The following FGFR2 variants were observed in gnomAD, a reference collection of about 807,000 sequenced individuals.
FGFR2 encodes the protein BEK fibroblast growth factor receptor.
In FGFR2, 19 loss-of-function variants were observed where a neutral mutation model predicts 95.9. The ratio of observed to expected loss-of-function variants is 0.20; its 90% CI spans 0.14 to 0.29. FGFR2 has a LOEUF of 0.29. FGFR2 is among the 10% of genes least tolerant of loss of function. FGFR2 has a pLI of 1.00. For missense variants in FGFR2, 707 were observed against 1,056.9 expected (o/e 0.67, Z 4.59); for synonymous variants, 392 against 393.3 (o/e 1.00, Z 0.04).
intron 2 of FGFR2, chr10:121,566,025 G>A (rs1857621010): frequency 2.3e-6 from 1 of 441,048 alleles, no homozygotes; most frequent in Non-Finnish European, 4.2e-6. Flanking sequence ...TGCTTGCACT[G>A]TAATACCTGC....
At chr10:121,547,715 A>G (rs1001798228) in intron 5 of FGFR2, among the ~76,000 whole-genome samples, 5 of 152,050 alleles carry the variant, frequency 3.3e-5, no homozygotes, top group Admixed American at 1.3e-4. Context: ...CTTTAAGTCT[A>G]CGTAGGTAAC....
chr10:121,527,542 T>C lies in FGFR2; in HGVS notation c.749-7373A>G, dbSNP rs886426842. The stretch of plus-strand genomic sequence containing the variant: ...GTACTTAATGTAAATGAATTACACA[T>C]TCAAAAATGGTTACAGAGGTATATT... On this transcript the variant is annotated intron_variant, in intron 6 of 17. Coordinates refer to ENST00000358487, the MANE Select transcript of FGFR2 (RefSeq NM_000141.5). 1.3e-5 allele frequency: 2 copies of C among 152,322 alleles called. 1 individual carries two copies. The allele number at this position is 152,322 out of a possible 1,614,324, so 9.4% of individuals were successfully genotyped here.
At position 121,479,358 on chromosome 10, in the gene FGFR2, A is replaced by G; in HGVS notation, c.*499T>C. 3.4e-6 allele frequency: 1 copy of G among 295,128 alleles called. No homozygotes were observed. Among genetic ancestry groups the G allele is most frequent in the Non-Finnish European group, 6.1e-6 (1 of 162,930 alleles). 18.3% of individuals were successfully genotyped at this position (295,128 alleles called of 1,614,324 possible). A position where few individuals can be genotyped will look rare whatever the true frequency, so the allele number is the denominator to read the frequency against. On this transcript the variant is annotated 3_prime_UTR_variant, in exon 18 of 18. Transcript: ENST00000358487. ...CATTTAGCAAATAGCTATTAAAAAA[A>G]GAGAGACCAATTTTCTAGGTGCATT...
At chr10:121,556,513 G>A (rs1236676193) in intron 4 of FGFR2, among the ~76,000 whole-genome samples, 1 of 151,640 alleles carries the variant, frequency 6.6e-6, no homozygotes, top group African/African-American at 2.4e-5. Context: ...TACCAAAAGA[G>A]ACCTCGGTGA....
At chr10:121,572,222 G>C (rs1008024858) in intron 2 of FGFR2, among the ~76,000 whole-genome samples, 2 of 151,660 alleles carry the variant, frequency 1.3e-5, no homozygotes, top group African/African-American at 2.4e-5. Flanking sequence ...TACACAGGGG[G>C]CTGAGGTAGG....
At chr10:121,580,102 G>C (rs1860599444) in intron 2 of FGFR2, among the ~76,000 whole-genome samples, 1 of 152,170 alleles carries the variant, frequency 6.6e-6, no homozygotes, top group African/African-American at 2.4e-5. Context: ...CATAGAGCAG[G>C]CCCTCCCACA....
At chr10:121,581,052 A>T (rs1397575490) in intron 2 of FGFR2, among the ~76,000 whole-genome samples, 2 of 152,166 alleles carry the variant, frequency 1.3e-5, no homozygotes, top group Non-Finnish European at 2.9e-5. Flanking sequence ...CTGCCTCCAC[A>T]TTGACCTGGC....
intron 13 of FGFR2, among the ~76,000 whole-genome samples, chr10:121,491,015 C>G (rs1158021410): frequency 6.6e-5 from 10 of 152,150 alleles, no homozygotes; most frequent in Admixed American, 6.5e-5. Context: ...ATTGAACTTC[C>G]AAGCCCCGGG....
Position 121,487,988 on chromosome 10 carries a change from T to C in FGFR2, c.1986+3A>G, listed in dbSNP as rs778323720. 1.2e-6 allele frequency: 2 copies of C among 1,614,124 alleles called. No homozygotes were observed. Among genetic ancestry groups the C allele is most frequent in the Non-Finnish European group, 1.7e-6 (2 of 1,179,992 alleles). On this transcript the variant is annotated splice_donor_region_variant and intron_variant, in intron 14 of 17. Coordinates refer to ENST00000358487, the MANE Select transcript of FGFR2 (RefSeq NM_000141.5). ...GCCCACTGTGTTACTGCCATCGACT[T>C]ACATTGGTGGTCTTTTTGTAATAGT... is the stretch of plus-strand genomic sequence containing the variant.
Position 121,487,296 on chromosome 10 carries a change from G to A in FGFR2, c.2057+58C>T, listed in dbSNP as rs41294217. On this transcript the variant is annotated intron_variant, in intron 15 of 17. Transcript: ENST00000358487. ...TAAAGAAGGAAGAAAGGTGAAGTAC[G>A]TACAGTATTTTTGCAGCTCAAGCCC... 2.6e-4 allele frequency: 342 copies of A among 1,329,960 alleles called. 1 individual carries two copies. In the African/African-American group the frequency reaches 3.8e-3, roughly 15 times the overall value. The allele number at this position is 1,329,960 out of a possible 1,614,324, so 82.4% of individuals were successfully genotyped here.
chr10:121,481,841 T>TTC (rs1250335828), intron 17 of FGFR2: 6 of 161,774 alleles, frequency 3.7e-5, no homozygotes, highest in Admixed American at 3.4e-4. Context: ...TTTATTTTTA[T>TTC]TTTTTTTTTT....
At position 121,480,248 on chromosome 10, in the gene FGFR2, T is replaced by C. The variant is rs894938700; in HGVS notation, c.2302-227A>G. ...CACCTGACTTCCACGAAGACCTCCC[T>C]GAGACCACGTCTGATGTACCCCAGG... On this transcript the variant is annotated intron_variant, in intron 17 of 17. Transcript: ENST00000358487. 4 of 632,258 alleles carry C rather than the reference T, an allele frequency of 6.3e-6. No individual in the cohort carries two copies. The African/African-American group carries it at 7.2e-5, about 11-fold the overall frequency. The allele number at this position is 632,258 out of a possible 1,614,324, so 39.2% of individuals were successfully genotyped here. A position where few individuals can be genotyped will look rare whatever the true frequency, so the allele number is the denominator to read the frequency against.
intron 4 of FGFR2, among the ~76,000 whole-genome samples, chr10:121,553,618 C>T (rs1176542226): frequency 6.6e-6 from 1 of 152,212 alleles, no homozygotes; most frequent in Non-Finnish European, 1.5e-5. Flanking sequence ...CAGGTGTCTG[C>T]ACTCATGTCA....
intron 2 of FGFR2, 48 bp downstream of exon 2, chr10:121,593,661 C>T (rs2135480617): frequency 6.5e-7 from 1 of 1,545,472 alleles, no homozygotes; most frequent in East Asian, 2.2e-5. Flanking sequence ...CAATCTGCCC[C>T]CAGACAAATC....
chr10:121,564,033 C>A (rs952585737), intron 4 of FGFR2, among the ~76,000 whole-genome samples: 10 of 152,178 alleles, frequency 6.6e-5, no homozygotes, highest in Admixed American at 1.3e-4. Flanking sequence ...CTGGCCCCTC[C>A]CCAGCTAAAG....
intron 5 of FGFR2, among the ~76,000 whole-genome samples, chr10:121,543,563 C>T (rs767942381): frequency 6.6e-5 from 10 of 152,082 alleles, no homozygotes; most frequent in Non-Finnish European, 1.2e-4. Context: ...CATCCCAGTC[C>T]CCCACTTTCA....
In FGFR2 at chr10:121,550,433, G is replaced by A. The variant is rs41302335; in HGVS notation, c.624+857C>T. Among the ~76,000 whole-genome samples, 516 of 152,262 alleles carry A rather than the reference G, an allele frequency of 3.4e-3. 3 individuals carry two copies. Among genetic ancestry groups the A allele is most frequent in the African/African-American group, 0.012 (486 of 41,556 alleles). Reference sequence around the variant, plus strand: ...GAACAAAGGCTAGAGGAGCATGCGCGGGCATCTGCAGGGAGACAGCTGCCA... The same window carrying A: ...GAACAAAGGCTAGAGGAGCATGCGCAGGCATCTGCAGGGAGACAGCTGCCA... On this transcript the variant is annotated intron_variant, in intron 5 of 17. Transcript: ENST00000358487.
At chr10:121,503,195 T>C (rs949844817) in intron 10 of FGFR2, among the ~76,000 whole-genome samples, 3 of 152,194 alleles carry the variant, frequency 2.0e-5, no homozygotes, top group Non-Finnish European at 4.4e-5. Context: ...AAGAGATACG[T>C]AGCCCCAACA....
At chr10:121,483,463 A>T (rs1845021817) in intron 17 of FGFR2, among the ~76,000 whole-genome samples, 1 of 152,222 alleles carries the variant, frequency 6.6e-6, no homozygotes, top group South Asian at 2.1e-4. Flanking sequence ...CACTGAAGGC[A>T]GCCTCGGGGA....
Sources: gnomAD v4.1 joint callset for allele counts (sites outside exome capture counted in the v4.1 genomes callset) on GRCh38, gnomAD v4.1.1 for gene constraint, MANE v1.5 for transcripts, NCBI Gene and HGNC (gene_info 2026-07-23, HGNC 2026-07-21) for gene names.